ARMC3: variants seen among roughly 807,000 people sequenced by gnomAD.
The protein encoded by ARMC3 is armadillo repeat containing 3.
Under a neutral mutation model 90.3 loss-of-function variants are expected in ARMC3, and 74 were observed. The observed-to-expected ratio is 0.82, with a 90% CI of 0.68 to 0.99. The LOEUF (loss-of-function observed/expected upper bound fraction) is 0.99. Ranked by LOEUF, ARMC3 falls within the 50% of genes least tolerant of loss-of-function variation. ARMC3 has a pLI of 0.00. For synonymous variants in ARMC3, 334 were observed against 361.8 expected, an observed-to-expected ratio of 0.92 and a Z score of 0.87; for missense variants, 958 against 1,042.8, an observed-to-expected ratio of 0.92 and a Z score of 1.12.
At chr10:23,008,160 C>T (rs968229993) in intron 14 of ARMC3, 116 bp from the exon 15 acceptor site, 4 of 551,270 alleles carry the variant, frequency 7.3e-6, no homozygotes, top group African/African-American at 5.8e-5. Flanking sequence ...CAGTATGTCA[C>T]TGTTAAAAGT....
intron 5 of ARMC3, 102 bp from the exon 6 acceptor site, chr10:22,959,297 C>G: frequency 7.3e-7 from 1 of 1,360,658 alleles, no homozygotes; most frequent in Admixed American, 2.2e-5. Context: ...GAGCTTTAAG[C>G]AAGATACAAT....
At chr10:22,939,267 C>T (rs550434724) in intron 2 of ARMC3, among the ~76,000 whole-genome samples, 3 of 152,212 alleles carry the variant, frequency 2.0e-5, no homozygotes, top group Middle Eastern at 3.4e-3. Flanking sequence ...AAGAAGAGAC[C>T]AACATACAGC....
chr10:22,960,765 T>TGGAG (rs1467986555), intron 6 of ARMC3: 1 of 152,290 alleles, frequency 6.6e-6, no homozygotes, highest in Admixed American at 6.5e-5. Flanking sequence ...GTCACAGTTC[T>TGGAG]GGAGGCCAGA....
chr10:22,990,838 C>T (rs1221891236), intron 10 of ARMC3, among the ~76,000 whole-genome samples: 1 of 152,158 alleles, frequency 6.6e-6, no homozygotes, highest in Non-Finnish European at 1.5e-5. Flanking sequence ...TCTTTGAATT[C>T]CTCCAGCACT....
rs1223824693 is a variant in ARMC3, at chr10:23,009,901, C to T, written c.2045+970C>T. On this transcript the variant is annotated intron_variant, in intron 16 of 18. Transcript: ENST00000298032. Reference sequence around the variant, plus strand: ...GGTAGACTTAAGCCTGTAAGGGCCACGGTGGCATTGGAGGCTGTGGGGAAC... The same window carrying T: ...GGTAGACTTAAGCCTGTAAGGGCCATGGTGGCATTGGAGGCTGTGGGGAAC... Among the ~76,000 whole-genome samples, 11 of 152,154 alleles carry T rather than the reference C, an allele frequency of 7.2e-5. No homozygotes were observed. The South Asian group carries it at 8.3e-4, about 11-fold the overall frequency.
chr10:22,961,153 A>G (rs1451174401), intron 6 of ARMC3: 1 of 152,224 alleles, frequency 6.6e-6, no homozygotes, highest in African/African-American at 2.4e-5. Context: ...TTAGCAATCA[A>G]TTGAAGGATG....
intron 10 of ARMC3, among the ~76,000 whole-genome samples, chr10:22,983,863 A>G (rs1228890609): frequency 2.0e-5 from 3 of 152,238 alleles, no homozygotes; most frequent in Non-Finnish European, 4.4e-5. Context: ...GGTTATTGTT[A>G]ATAACATAAT....
At chr10:22,995,116 C>G (rs1453639400) in intron 10 of ARMC3, among the ~76,000 whole-genome samples, 1 of 152,014 alleles carries the variant, frequency 6.6e-6, no homozygotes, top group African/African-American at 2.4e-5. Flanking sequence ...TTTGGGAAAC[C>G]AAAATAATGG....
At chr10:23,030,912 C>A in intron 17 of ARMC3, 116 bp downstream of exon 17, 1 of 1,106,098 alleles carries the variant, frequency 9.0e-7, no homozygotes, top group Non-Finnish European at 1.3e-6. Context: ...TTACAGCACT[C>A]TGACTCTGAC....
intron 3 of ARMC3, 42 bp from the exon 4 acceptor site, chr10:22,955,765 C>A: frequency 6.2e-7 from 1 of 1,607,970 alleles, no homozygotes; most frequent in Non-Finnish European, 8.5e-7. Context: ...CTGATGAGAT[C>A]GATAATATCC....
At chr10:22,934,302 A>C (rs1233065384) in intron 2 of ARMC3, among the ~76,000 whole-genome samples, 1 of 152,180 alleles carries the variant, frequency 6.6e-6, no homozygotes, top group Non-Finnish European at 1.5e-5. Context: ...GAATATTCTC[A>C]TTTGTCATAA....
chr10:22,945,827 T>A (rs1178980996), intron 2 of ARMC3, among the ~76,000 whole-genome samples: 1 of 152,198 alleles, frequency 6.6e-6, no homozygotes, highest in Non-Finnish European at 1.5e-5. Flanking sequence ...GGTACTATTA[T>A]CCTCATCAAA....
intron 13 of ARMC3, among the ~76,000 whole-genome samples, chr10:23,004,646 G>A (rs1837485757): frequency 6.6e-6 from 1 of 152,172 alleles, no homozygotes; most frequent in Admixed American, 6.5e-5. Context: ...GTTCCAAGAA[G>A]CAGAGGAGAC....
chr10:23,008,192 G>GA (rs1423622769), intron 14 of ARMC3, 84 bp from the exon 15 acceptor site: 3 of 696,770 alleles, frequency 4.3e-6, no homozygotes, highest in South Asian at 2.3e-5. Context: ...ATGACTTTCA[G>GA]AAAAAAATCT....
intron 16 of ARMC3, among the ~76,000 whole-genome samples, chr10:23,024,689 T>A (rs2131547045): frequency 6.6e-6 from 1 of 152,124 alleles, no homozygotes; most frequent in South Asian, 2.1e-4. Context: ...CAAAAAGCTA[T>A]GCTCAAAAAG....
At position 23,032,859 on chromosome 10, in the gene ARMC3, A is replaced by G; in HGVS notation, c.2247-2A>G. The G allele has an allele frequency of 6.2e-7, 1 of 1,609,650 alleles. No homozygotes were observed. The highest frequency in any genetic ancestry group is 8.5e-7 in the Non-Finnish European group (1 of 1,177,978). ...GATTTGATCTCAATGTAATTGACAC[A>G]GGTATGTAGCAGAAAAAATGGGTGG... On this transcript the variant is annotated splice_acceptor_variant, in intron 17 of 18. Transcript: ENST00000298032. LOFTEE classifies it high-confidence loss of function.
intron 2 of ARMC3, among the ~76,000 whole-genome samples, chr10:22,941,768 G>T (rs1282916919): frequency 6.6e-6 from 1 of 152,148 alleles, no homozygotes; most frequent in Admixed American, 6.5e-5. Flanking sequence ...GGGTGAGGAG[G>T]AAAGAAAGGG....
At chr10:22,968,241 A>G in intron 7 of ARMC3, 65 bp from the exon 8 acceptor site, 1 of 1,437,042 alleles carries the variant, frequency 7.0e-7, no homozygotes, top group Non-Finnish European at 9.7e-7. Context: ...TTCCTCTTGT[A>G]GTCAAATTTG....
chr10:23,032,306 T>C (rs1838950069), intron 17 of ARMC3, among the ~76,000 whole-genome samples: 1 of 152,112 alleles, frequency 6.6e-6, no homozygotes, highest in South Asian at 2.1e-4. Context: ...TCTTCTTCCT[T>C]GCTCCTGACT....
Sources: gnomAD v4.1 joint callset for allele counts (sites outside exome capture counted in the v4.1 genomes callset) on GRCh38, gnomAD v4.1.1 for gene constraint, MANE v1.5 for transcripts, NCBI Gene and HGNC (gene_info 2026-07-23, HGNC 2026-07-21) for gene names.